The following DST variants were observed in gnomAD, a reference collection of about 807,000 sequenced individuals.
DST encodes the protein dystonin.
In DST, 253 loss-of-function variants were observed where a neutral mutation model predicts 875.2. The observed-to-expected ratio is 0.29, with a 90% CI of 0.26 to 0.32. The LOEUF is 0.32. Among genes scored for constraint, DST ranks in the 10% least tolerant of loss-of-function variants. DST has a pLI of 1.00. For synonymous variants in DST, 3,124 were observed against 3,197.1 expected, an observed-to-expected ratio of 0.98 and a Z score of 0.77; for missense variants, 8,287 against 9,111.6, an observed-to-expected ratio of 0.91 and a Z score of 3.68.
intron 24 of DST, 128 bp from the exon 25 acceptor site, chr6:56,635,081 T>A: frequency 1.4e-6 from 1 of 728,976 alleles, no homozygotes; most frequent in East Asian, 2.7e-5. Flanking sequence ...ATTTTCAATC[T>A]TTCCTCCTCC....
At chr6:56,538,426 T>C (rs2097058078) in intron 61 of DST, among the ~76,000 whole-genome samples, 1 of 152,160 alleles carries the variant, frequency 6.6e-6, no homozygotes, top group African/African-American at 2.4e-5. Context: ...AAGGGCACTA[T>C]ATAAATATAC....
chr6:56,891,765 A>G (rs1562307276), intron 3 of DST, among the ~76,000 whole-genome samples: 1 of 151,918 alleles, frequency 6.6e-6, no homozygotes, highest in Non-Finnish European at 1.5e-5. Context: ...TGGAGCTTGC[A>G]GTGAGCTGAG....
intron 56 of DST, 83 bp from the exon 57 acceptor site, chr6:56,561,632 G>A (rs1297479898): frequency 1.5e-6 from 2 of 1,379,122 alleles, no homozygotes; most frequent in African/African-American, 1.5e-5. Flanking sequence ...TGTTTTACAT[G>A]GTATTTTGTC....
chr6:56,724,387 A>C (rs2099437009), intron 5 of DST, among the ~76,000 whole-genome samples: 1 of 152,228 alleles, frequency 6.6e-6, no homozygotes, highest in Admixed American at 6.5e-5. Context: ...CCAAGAATTC[A>C]GTAAGTAGTA....
In DST at chr6:56,851,434, C is replaced by A. The variant is rs775290270; in HGVS notation, c.588G>T (p.Val196=). 1 of 1,613,668 alleles carries A rather than the reference C, an allele frequency of 6.2e-7. No individual in the cohort carries two copies. Among genetic ancestry groups the A allele is most frequent in the African/African-American group, 1.3e-5 (1 of 74,932 alleles). The change falls in exon 4 of 104, where the codon GTG becomes GTT. Residue 196 remains valine, a synonymous_variant. Coordinates refer to ENST00000680361, the MANE Select transcript of DST (RefSeq NM_001374736.1). ...RSKRKIQGGS[V]LDPAERAVLR... ...GCACTGCCCTCTCGGCAGGGTCCAG[C>A]ACTGAGCCCCCTTGAATCTTTCTTT...
rs529438328 is a variant in DST at position 56,493,769 on chromosome 6, G to T, written c.20394+241C>A. ...TCTTAACATTTAAAAATATAACTAA[G>T]TAACATTTGATCTATATATTTATCT... On this transcript the variant is annotated intron_variant, in intron 83 of 103. Coordinates refer to ENST00000680361, the MANE Select transcript of DST (RefSeq NM_001374736.1). Among the ~76,000 whole-genome samples, 70 of 151,988 alleles carry T rather than the reference G, an allele frequency of 4.6e-4. 1 individual carries two copies. In the South Asian group the frequency reaches 0.015, roughly 32 times the overall value.
At chr6:56,502,309 C>T (rs1024914141) in intron 78 of DST, among the ~76,000 whole-genome samples, 1 of 152,056 alleles carries the variant, frequency 6.6e-6, no homozygotes, top group African/African-American at 2.4e-5. Flanking sequence ...AGGTAACTGT[C>T]CTTTCATAAA....
In DST at chr6:56,497,412, C is replaced by T. The variant is rs764337606; in HGVS notation, c.20190G>A (p.Pro6730=). The T allele has an allele frequency of 3.1e-6, 5 of 1,613,078 alleles. No individual in the cohort carries two copies. Among genetic ancestry groups the T allele is most frequent in the East Asian group, 4.5e-5 (2 of 44,860 alleles). Reference sequence around the variant, plus strand: ...CATTAAGCTGCTCCTTGGCTGTTTCCGGTAAACCTCCCAGCGGTTTAGATG... The same window carrying T: ...CATTAAGCTGCTCCTTGGCTGTTTCTGGTAAACCTCCCAGCGGTTTAGATG... ...LLASKPLGGL[P]ETAKEQLNVH... Residue 6730 remains proline, a synonymous_variant, in exon 82 of 104, where the codon CCG becomes CCA. Coordinates refer to ENST00000680361, the MANE Select transcript of DST (RefSeq NM_001374736.1).
At chr6:56,648,522 G>A (rs747213510) in intron 13 of DST, 48 bp downstream of exon 13, 1 of 1,495,848 alleles carries the variant, frequency 6.7e-7, no homozygotes, top group South Asian at 1.3e-5. Flanking sequence ...CATTACTTAA[G>A]GGTTTACAAT....
chr6:56,880,959 T>A (rs1290094784), intron 3 of DST, among the ~76,000 whole-genome samples: 2 of 146,268 alleles, frequency 1.4e-5, no homozygotes, highest in African/African-American at 5.0e-5. Context: ...GCCATTCTCC[T>A]GGCTTAGCCT....
At chr6:56,812,720 A>G (rs1366175694) in intron 4 of DST, among the ~76,000 whole-genome samples, 1 of 152,236 alleles carries the variant, frequency 6.6e-6, no homozygotes, top group African/African-American at 2.4e-5. Context: ...CCCTAGATGC[A>G]AATATTCTCA....
At chr6:56,587,042 C>T (rs190607999) in intron 49 of DST, among the ~76,000 whole-genome samples, 86 of 152,272 alleles carry the variant, frequency 5.6e-4, no homozygotes, top group Non-Finnish European at 9.7e-4. Flanking sequence ...TCACCAGCAA[C>T]GGAACAAAGC....
rs1259657881 is a variant in DST at position 56,674,276 on chromosome 6, A to G, written c.1048-3469T>C. Among the ~76,000 whole-genome samples, 4 of 152,022 alleles carry G rather than the reference A, an allele frequency of 2.6e-5. 1 individual carries two copies. In the South Asian group the frequency reaches 8.3e-4, roughly 32 times the overall value. ...GAAATGAATGACCCAGACTACTCAC[A>G]TAATCTCCTAAAATCCATTTTCTTT... On this transcript the variant is annotated intron_variant, in intron 9 of 103. Coordinates refer to ENST00000680361, the MANE Select transcript of DST (RefSeq NM_001374736.1).
intron 10 of DST, among the ~76,000 whole-genome samples, chr6:56,653,914 AT>A (rs970630215): frequency 3.3e-5 from 5 of 151,956 alleles, no homozygotes; most frequent in Non-Finnish European, 7.4e-5. Flanking sequence ...AACTTCATTT[AT>A]TTTTCACACA....
At chr6:56,839,599 C>A (rs1229603769) in intron 4 of DST, among the ~76,000 whole-genome samples, 2 of 152,168 alleles carry the variant, frequency 1.3e-5, no homozygotes, top group African/African-American at 4.8e-5. Context: ...TCATTACATG[C>A]TGCAGAGAAA....
intron 2 of DST, among the ~76,000 whole-genome samples, chr6:56,934,843 T>C (rs1011139151): frequency 3.3e-5 from 5 of 151,898 alleles, no homozygotes; most frequent in African/African-American, 1.2e-4. Flanking sequence ...TAGGAAGCTA[T>C]ATATTCTTTA....
chr6:56,583,659 G>A (rs2098078038), intron 49 of DST, among the ~76,000 whole-genome samples: 1 of 152,298 alleles, frequency 6.6e-6, no homozygotes, highest in East Asian at 1.9e-4. Context: ...CTTTAGACAT[G>A]AAGTCCTTGC....
chr6:56,886,871 T>A (rs1784913520), intron 3 of DST, among the ~76,000 whole-genome samples: 1 of 152,222 alleles, frequency 6.6e-6, no homozygotes, highest in Non-Finnish European at 1.5e-5. Flanking sequence ...TTTGTTCAAT[T>A]TCCATAGATT....
intron 48 of DST, among the ~76,000 whole-genome samples, chr6:56,592,813 T>C (rs2098302797): frequency 6.6e-6 from 1 of 151,942 alleles, no homozygotes; most frequent in Admixed American, 6.6e-5. Flanking sequence ...TGATGGTCTT[T>C]AAATCATTTA....
Sources: allele counts gnomAD v4.1 joint callset (sites outside exome capture counted in the v4.1 genomes callset), GRCh38; gene constraint gnomAD v4.1.1; transcripts MANE v1.5; gene names NCBI Gene and HGNC (gene_info 2026-07-23, HGNC 2026-07-21).